Variants in DMXL2 observed in about 807,000 individuals in gnomAD.
DMXL2 encodes the protein dmX-like protein 2.
A neutral mutation model predicts 331.1 loss-of-function variants in DMXL2; 103 were observed. The ratio of observed to expected loss-of-function variants is 0.31; its 90% CI spans 0.27 to 0.37. The LOEUF is 0.37. DMXL2 is among the 10% of genes least tolerant of loss of function. DMXL2 has a pLI of 1.00. For synonymous variants in DMXL2, 1,281 were observed against 1,252.1 expected, an observed-to-expected ratio of 1.02 and a Z score of -0.49; for missense variants, 3,171 against 3,642.9, an observed-to-expected ratio of 0.87 and a Z score of 3.33.
intron 1 of DMXL2, among the ~76,000 whole-genome samples, chr15:51,583,001 A>G (rs1322037430): frequency 1.3e-5 from 2 of 151,984 alleles, no homozygotes; most frequent in Non-Finnish European, 2.9e-5. Flanking sequence ...CTTTTAACAT[A>G]AATGGGATCA....
intron 15 of DMXL2, among the ~76,000 whole-genome samples, chr15:51,513,418 C>G (rs2046868341): frequency 6.6e-6 from 1 of 152,046 alleles, no homozygotes; most frequent in Non-Finnish European, 1.5e-5. Context: ...TGAAATAAAA[C>G]TTAACATAAT....
chr15:51,468,024 C>A (rs1391793955), intron 29 of DMXL2, among the ~76,000 whole-genome samples: 1 of 152,144 alleles, frequency 6.6e-6, no homozygotes, highest in African/African-American at 2.4e-5. Flanking sequence ...CCATGCCGGG[C>A]CTGACCTAGT....
At chr15:51,473,653 A>C (rs2140321636) in intron 28 of DMXL2, among the ~76,000 whole-genome samples, 1 of 152,352 alleles carries the variant, frequency 6.6e-6, no homozygotes. Flanking sequence ...TCTAAGGATG[A>C]ATTAAGATGA....
intron 2 of DMXL2, among the ~76,000 whole-genome samples, chr15:51,572,002 G>A (rs886808516): frequency 6.6e-6 from 1 of 152,028 alleles, no homozygotes; most frequent in East Asian, 1.9e-4. Flanking sequence ...CCAGGAACTG[G>A]TTTTTTGAAA....
chr15:51,450,937 G>C (rs966894064), intron 42 of DMXL2, among the ~76,000 whole-genome samples: 1 of 142,904 alleles, frequency 7.0e-6, no homozygotes, highest in Non-Finnish European at 1.5e-5. Context: ...TGTATTAAAA[G>C]ACTGAGAATC....
At chr15:51,556,048 A>G (rs1480387747) in intron 6 of DMXL2, among the ~76,000 whole-genome samples, 1 of 152,220 alleles carries the variant, frequency 6.6e-6, no homozygotes, top group African/African-American at 2.4e-5. Flanking sequence ...CTTAAACAAA[A>G]GATCAGCAGA....
Position 51,476,633 on chromosome 15 carries a change from A to G in DMXL2, c.6920T>C (p.Ile2307Thr), listed in dbSNP as rs2041605861. ...SDRRRLRTES[I>T]EEHATPNSSP... Reference sequence around the variant, plus strand: ...TGAATTTGGTGTTGCGTGTTCTTCAATGCTTTCTGTCCTTAGTCTTCTACG... The same window carrying G: ...TGAATTTGGTGTTGCGTGTTCTTCAGTGCTTTCTGTCCTTAGTCTTCTACG... Residue 2307 changes from isoleucine to threonine, a missense_variant, in exon 27 of 44, where the codon ATT becomes ACT. By Grantham distance (89) the Ile-to-Thr change is moderately conservative. Transcript: ENST00000560891. 2.5e-6 allele frequency: 4 copies of G among 1,612,084 alleles called. No individual in the cohort carries two copies. The highest frequency in any genetic ancestry group is 3.4e-6 in the Non-Finnish European group (4 of 1,179,312).
chr15:51,486,003 A>G (rs896441201), intron 23 of DMXL2, 70 bp downstream of exon 23: 114 of 1,433,920 alleles, frequency 8.0e-5, no homozygotes, highest in Non-Finnish European at 1.0e-4. Flanking sequence ...TCTTAATCTA[A>G]GTGAACATTA....
intron 1 of DMXL2, among the ~76,000 whole-genome samples, chr15:51,585,114 C>T (rs1191047706): frequency 1.7e-5 from 1 of 60,384 alleles, no homozygotes; most frequent in Non-Finnish European, 3.3e-5. Flanking sequence ...ATTGAATACC[C>T]TTTATTTCCT....
At chr15:51,537,854 T>C in intron 10 of DMXL2, 95 bp from the exon 11 acceptor site, 3 of 1,329,020 alleles carry the variant, frequency 2.3e-6, no homozygotes, top group Non-Finnish European at 3.0e-6. Context: ...AAAAACTAAA[T>C]CTCTTTTCCA....
chr15:51,585,622 G>A (rs956376561), intron 1 of DMXL2, among the ~76,000 whole-genome samples: 1 of 152,050 alleles, frequency 6.6e-6, no homozygotes, highest in Non-Finnish European at 1.5e-5. Context: ...AAAATTAATT[G>A]CAACTGCAAA....
chr15:51,522,619 G>T (rs933928379), intron 13 of DMXL2, among the ~76,000 whole-genome samples: 3 of 152,124 alleles, frequency 2.0e-5, no homozygotes, highest in Non-Finnish European at 2.9e-5. Context: ...ACTCCAGCCT[G>T]GGCTGATAGA....
chr15:51,570,336 C>T (rs752483255), intron 2 of DMXL2, among the ~76,000 whole-genome samples: 2 of 151,948 alleles, frequency 1.3e-5, no homozygotes, highest in East Asian at 1.9e-4. Context: ...CTGAAAGTGA[C>T]GGGGAGAATG....
At chr15:51,464,170 A>C (rs1219697679) in intron 32 of DMXL2, among the ~76,000 whole-genome samples, 1 of 152,260 alleles carries the variant, frequency 6.6e-6, no homozygotes, top group Non-Finnish European at 1.5e-5. Flanking sequence ...TGGGAGGCCA[A>C]GACCAGGGAC....
Position 51,450,318 on chromosome 15 carries a change from C to T in DMXL2, c.8778G>A (p.Thr2926=), listed in dbSNP as rs760406428. The T allele has an allele frequency of 2.0e-5, 33 of 1,613,792 alleles. No individual in the cohort carries two copies. The highest frequency in any genetic ancestry group is 2.7e-5 in the African/African-American group (2 of 74,842). Reference sequence around the variant, plus strand: ...GCTGTTTGGGTGCATACTGCAGTACCGTGGCACCATGATCGTGGCACGTGA... The same window carrying T: ...GCTGTTTGGGTGCATACTGCAGTACTGTGGCACCATGATCGTGGCACGTGA... ...HGFTCHDHGA[T]VLQYAPKQQL... Residue 2926 remains threonine (T), a synonymous_variant, in exon 43 of 44, where the codon ACG becomes ACA. Transcript: ENST00000560891.
intron 15 of DMXL2, among the ~76,000 whole-genome samples, chr15:51,512,866 A>C (rs1243270861): frequency 6.6e-6 from 1 of 152,006 alleles, no homozygotes; most frequent in Non-Finnish European, 1.5e-5. Flanking sequence ...AATTGTGTAG[A>C]CAAAGCAAGT....
At chr15:51,618,556 T>TA (rs543705089) in intron 1 of DMXL2, among the ~76,000 whole-genome samples, 45 of 150,528 alleles carry the variant, frequency 3.0e-4, no homozygotes, top group African/African-American at 8.5e-4. Context: ...TATTTTAATT[T>TA]AAAAAAAAAA....
chr15:51,537,836 C>A, intron 10 of DMXL2, 77 bp from the exon 11 acceptor site: 1 of 1,406,024 alleles, frequency 7.1e-7, no homozygotes. Context: ...AAATGGCATA[C>A]TATCTTTAAA....
At chr15:51,620,582 A>T (rs1026840067) in intron 1 of DMXL2, among the ~76,000 whole-genome samples, 2 of 152,250 alleles carry the variant, frequency 1.3e-5, no homozygotes, top group African/African-American at 2.4e-5. Context: ...AATATAGTAA[A>T]ATGACACTTG....
Sources: gnomAD v4.1 joint callset for allele counts (sites outside exome capture counted in the v4.1 genomes callset) on GRCh38, gnomAD v4.1.1 for gene constraint, MANE v1.5 for transcripts, NCBI Gene and HGNC (gene_info 2026-07-23, HGNC 2026-07-21) for gene names.